The following EPHB1 variants were observed in gnomAD, a reference collection of about 807,000 sequenced individuals.
The protein encoded by EPHB1 is ephrin type-B receptor 1.
In EPHB1, 30 loss-of-function variants were observed where a neutral mutation model predicts 94.4. The observed-to-expected ratio is 0.32, with a 90% CI of 0.24 to 0.43. The LOEUF (loss-of-function observed/expected upper bound fraction) is 0.43. Among genes scored for constraint, EPHB1 ranks in the 20% least tolerant of loss-of-function variants. The pLI is 1.00. For missense variants in EPHB1, 1,055 were observed against 1,308.3 expected (o/e 0.81, Z 2.99); for synonymous variants, 522 against 489.1 (o/e 1.07, Z -0.89).
chr3:135,213,628 T>C (rs1055133215), intron 12 of EPHB1, among the ~76,000 whole-genome samples: 1 of 152,222 alleles, frequency 6.6e-6, no homozygotes, highest in African/African-American at 2.4e-5. Context: ...GATCTTTACC[T>C]TTTATCAGCT....
chr3:135,204,881 C>CTTTTTTT (rs71624063), intron 12 of EPHB1, among the ~76,000 whole-genome samples: 1 of 73,916 alleles, frequency 1.4e-5, no homozygotes, highest in Non-Finnish European at 2.3e-5. Flanking sequence ...AGGTTTTATT[C>CTTTTTTT]TTTTTTTTTT....
chr3:135,228,220 C>T (rs1308552619), intron 12 of EPHB1, among the ~76,000 whole-genome samples: 13 of 152,010 alleles, frequency 8.6e-5, no homozygotes. Context: ...AAAATTTTCA[C>T]AATACTTTTT....
chr3:135,057,048 G>T lies in EPHB1; in HGVS notation c.806-49400G>T, dbSNP rs566086990. The stretch of plus-strand genomic sequence containing the variant: ...CAGTGAACACCCCCCTAATAAATTT[G>T]TTGCTGGATTCAGACCTCAAGCACA... On this transcript the variant is annotated intron_variant, in intron 3 of 15. Transcript: ENST00000398015. Among the ~76,000 whole-genome samples the T allele has an allele frequency of 4.6e-5, 7 of 152,264 alleles. No homozygotes were observed. In the East Asian group the frequency reaches 1.4e-3, roughly 29 times the overall value.
At chr3:135,105,967 C>T (rs1020654278) in intron 3 of EPHB1, among the ~76,000 whole-genome samples, 8 of 152,298 alleles carry the variant, frequency 5.3e-5, no homozygotes, top group Middle Eastern at 3.4e-3. Context: ...CTCATGTGTG[C>T]TGCAACATGG....
At position 134,843,968 on chromosome 3, in the gene EPHB1, T is replaced by C. The variant is rs57730273; in HGVS notation, c.58+48279T>C. Among the ~76,000 whole-genome samples the C allele has an allele frequency of 5.4e-3, 816 of 152,358 alleles. 3 individuals carry two copies. Among genetic ancestry groups the C allele is most frequent in the African/African-American group, 0.019 (787 of 41,588 alleles). ...TCTTGTTTCTTTGGATGTGTCATAA[T>C]TTTCTGTTGAAAATGGGACATTTTA... is the stretch of plus-strand genomic sequence containing the variant. On this transcript the variant is annotated intron_variant, in intron 1 of 15. Coordinates refer to ENST00000398015, the MANE Select transcript of EPHB1 (RefSeq NM_004441.5).
At chr3:135,018,935 G>T (rs1232684105) in intron 3 of EPHB1, among the ~76,000 whole-genome samples, 1 of 152,212 alleles carries the variant, frequency 6.6e-6, no homozygotes, top group Non-Finnish European at 1.5e-5. Context: ...GGGACTGAGA[G>T]ATAGGAATTC....
At chr3:134,887,689 G>T (rs1162374383) in intron 1 of EPHB1, among the ~76,000 whole-genome samples, 1 of 152,204 alleles carries the variant, frequency 6.6e-6, no homozygotes, top group African/African-American at 2.4e-5. Context: ...TCAAGCTTTT[G>T]TTGTTTTATC....
intron 1 of EPHB1, among the ~76,000 whole-genome samples, chr3:134,805,649 CCTTAA>C (rs1442989324): frequency 6.6e-6 from 1 of 152,178 alleles, no homozygotes; most frequent in Non-Finnish European, 1.5e-5. Context: ...CTGGGCATCT[CCTTAA>C]CTTCATCCAC....
chr3:134,832,199 G>T (rs975409085), intron 1 of EPHB1, among the ~76,000 whole-genome samples: 1 of 152,202 alleles, frequency 6.6e-6, no homozygotes, highest in African/African-American at 2.4e-5. Context: ...ATTTAACTGG[G>T]TGTCCTGTTG....
chr3:134,967,754 G>T (rs1313678945), intron 3 of EPHB1, among the ~76,000 whole-genome samples: 1 of 152,208 alleles, frequency 6.6e-6, no homozygotes, highest in Non-Finnish European at 1.5e-5. Flanking sequence ...TATAACAACA[G>T]AAAATGGACT....
intron 3 of EPHB1, among the ~76,000 whole-genome samples, chr3:135,052,955 A>ATG (rs1406501751): frequency 9.0e-6 from 1 of 110,590 alleles, no homozygotes; most frequent in African/African-American, 4.0e-5. Flanking sequence ...ATATATATAT[A>ATG]TGTGTGTATA....
chr3:135,214,062 A>G (rs551917466), intron 12 of EPHB1, among the ~76,000 whole-genome samples: 1 of 152,004 alleles, frequency 6.6e-6, no homozygotes, highest in Admixed American at 6.5e-5. Context: ...TGTTTCTGCC[A>G]CTTCTGAGAC....
chr3:135,237,637 C>T (rs1943688852), intron 12 of EPHB1, among the ~76,000 whole-genome samples: 1 of 152,184 alleles, frequency 6.6e-6, no homozygotes, highest in African/African-American at 2.4e-5. Flanking sequence ...GTAGAAACCC[C>T]TGCCAGGGAC....
intron 11 of EPHB1, among the ~76,000 whole-genome samples, chr3:135,197,624 T>A (rs1294242967): frequency 6.6e-6 from 1 of 152,222 alleles, no homozygotes; most frequent in East Asian, 1.9e-4. Context: ...CCTAAATCCT[T>A]CCTGTCTAAT....
chr3:134,893,323 C>T (rs1032912342), intron 1 of EPHB1, among the ~76,000 whole-genome samples: 6 of 152,164 alleles, frequency 3.9e-5, no homozygotes, highest in Non-Finnish European at 2.9e-5. Flanking sequence ...GTTCACGGGT[C>T]GCTCTGCCTG....
At chr3:135,243,074 C>CAAAAAAA (rs397933477) in intron 13 of EPHB1, among the ~76,000 whole-genome samples, 44 of 98,334 alleles carry the variant, frequency 4.5e-4, no homozygotes, top group African/African-American at 1.6e-3. Context: ...GACCCTGTCT[C>CAAAAAAA]AAAAAAAAAA....
chr3:135,104,927 A>T (rs1366391273), intron 3 of EPHB1, among the ~76,000 whole-genome samples: 2 of 152,236 alleles, frequency 1.3e-5, no homozygotes, highest in African/African-American at 4.8e-5. Flanking sequence ...TTAGCAGAAA[A>T]GCAGTGGATA....
chr3:135,003,994 T>C (rs1935291439), intron 3 of EPHB1, among the ~76,000 whole-genome samples: 2 of 152,014 alleles, frequency 1.3e-5, no homozygotes, highest in African/African-American at 2.4e-5. Flanking sequence ...AATTTGATCC[T>C]GTCATTATGA....
intron 1 of EPHB1, among the ~76,000 whole-genome samples, chr3:134,903,356 T>C (rs2107690748): frequency 6.6e-6 from 1 of 152,222 alleles, no homozygotes; most frequent in South Asian, 2.1e-4. Flanking sequence ...AAAACAAGGG[T>C]GAGTGTATGG....
Sources: allele counts gnomAD v4.1 joint callset (sites outside exome capture counted in the v4.1 genomes callset), GRCh38; gene constraint gnomAD v4.1.1; transcripts MANE v1.5; gene names NCBI Gene and HGNC (gene_info 2026-07-23, HGNC 2026-07-21).